The following POP7 variants were observed in gnomAD, a reference collection of about 807,000 sequenced individuals.
The protein encoded by POP7 is ribonuclease P protein subunit p20.
A neutral mutation model predicts 7.5 loss-of-function variants in POP7; 5 were observed. That is an observed-to-expected ratio of 0.66 (90% CI 0.35 to 1.40). POP7 has a LOEUF of 1.40. Ranked by LOEUF, POP7 falls within the 40% of genes most tolerant of loss-of-function variation. POP7 has a pLI of 0.04. For missense variants in POP7, 170 were observed against 189.1 expected (o/e 0.90, Z 0.59); for synonymous variants, 85 against 81.6 (o/e 1.04, Z -0.23).
Position 100,707,452 on chromosome 7 carries a change from A to C in POP7, c.*199A>C. On this transcript the variant is annotated 3_prime_UTR_variant, in exon 2 of 2. Transcript: ENST00000303151. The stretch of plus-strand genomic sequence containing the variant: ...GAGTGTGTGTATGCGGTCTGTAACT[A>C]TTGCCATATAAATAAAAAATCCTGT... The C allele has an allele frequency of 1.7e-6, 1 of 604,806 alleles. No individual in the cohort carries two copies. Among genetic ancestry groups the C allele is most frequent in the Non-Finnish European group, 2.9e-6 (1 of 341,374 alleles). The allele number at this position is 604,806 out of a possible 1,614,324, so 37.5% of individuals were successfully genotyped here. A position where few individuals can be genotyped will look rare whatever the true frequency, so the allele number is the denominator to read the frequency against.
chr7:100,706,763 G>A, intron 1 of POP7, 58 bp from the exon 2 acceptor site: 4 of 1,535,878 alleles, frequency 2.6e-6, no homozygotes, highest in African/African-American at 2.7e-5. Flanking sequence ...AGGAAAAGGG[G>A]TAGGAAAGGC....
chr7:100,706,961 A>C lies in POP7; in HGVS notation c.131A>C (p.Asp44Ala), dbSNP rs746355859. 2 of 1,614,080 alleles carry C rather than the reference A, an allele frequency of 1.2e-6. No homozygotes were observed. The highest frequency in any genetic ancestry group is 1.7e-6 in the Non-Finnish European group (2 of 1,180,042). The change falls in exon 2 of 2, where the codon GAC becomes GCC. Residue 44 changes from aspartate (D) to alanine (A), a missense_variant. Asp to Ala is a moderately radical substitution (Grantham distance 126). Coordinates refer to ENST00000303151, the MANE Select transcript of POP7 (RefSeq NM_005837.3). ...PNDIYVNMKT[D>A]FKAQLARCQK... ...GACATTTATGTCAACATGAAGACGG[A>C]CTTTAAGGCCCAGCTGGCCCGCTGC...
In POP7 at chr7:100,707,386, G is replaced by C. The variant is rs1163583209; in HGVS notation, c.*133G>C. 1 of 1,104,892 alleles carries C rather than the reference G, an allele frequency of 9.1e-7. No individual in the cohort carries two copies. Among genetic ancestry groups the C allele is most frequent in the Admixed American group, 2.8e-5 (1 of 35,364 alleles). 68.4% of individuals were successfully genotyped at this position (1,104,892 alleles called of 1,614,324 possible). On this transcript the variant is annotated 3_prime_UTR_variant, in exon 2 of 2. Transcript: ENST00000303151. ...CCAAAGGACTCTGCATTGAGGGTGG[G>C]GGTAATTGTCTCTTGGTGGGCCCAG...
intron 1 of POP7, 32 bp from the exon 2 acceptor site, chr7:100,706,789 A>G: frequency 6.3e-7 from 1 of 1,594,718 alleles, no homozygotes; most frequent in Non-Finnish European, 8.6e-7. Flanking sequence ...GGTCCCTCTG[A>G]GCCCTCTGAT....
In POP7 at chr7:100,707,156, A is replaced by C; in HGVS notation, c.326A>C (p.Asp109Ala). ...AANTSTVELV[D>A]ELEPETDTRE... The stretch of plus-strand genomic sequence containing the variant: ...AATACCTCCACCGTGGAGCTTGTTG[A>C]TGAGCTGGAGCCAGAGACCGACACA... The change falls in exon 2 of 2, where the codon GAT becomes GCT. Residue 109 changes from aspartate to alanine, a missense_variant. Coordinates refer to ENST00000303151, the MANE Select transcript of POP7 (RefSeq NM_005837.3). The C allele has an allele frequency of 1.2e-6, 2 of 1,614,146 alleles. No individual in the cohort carries two copies. The highest frequency in any genetic ancestry group is 8.5e-7 in the Non-Finnish European group (1 of 1,180,022).
In POP7 at chr7:100,707,328, A is replaced by C; in HGVS notation, c.*75A>C. ...TGCTGAGTACTGGACCTCGGACCAG[A>C]GCCATGTAAGAAAAGGCCTGTTCCC... On this transcript the variant is annotated 3_prime_UTR_variant, in exon 2 of 2. Transcript: ENST00000303151. The C allele has an allele frequency of 6.8e-7, 1 of 1,475,106 alleles. No individual in the cohort carries two copies. The allele number at this position is 1,475,106 out of a possible 1,614,324, so 91.4% of individuals were successfully genotyped here. A position where few individuals can be genotyped will look rare whatever the true frequency, so the allele number is the denominator to read the frequency against.
chr7:100,707,025 G>C lies in POP7; in HGVS notation c.195G>C (p.Ala65=), dbSNP rs1477822512. 1 of 1,614,036 alleles carries C rather than the reference G, an allele frequency of 6.2e-7. No homozygotes were observed. The highest frequency in any genetic ancestry group is 1.1e-5 in the South Asian group (1 of 91,094). ...LLDGGARGQN[A]CSEIYIHGLG... is the part of the protein sequence containing the mutation. The stretch of plus-strand genomic sequence containing the variant: ...ACGGAGGGGCCCGGGGTCAGAACGC[G>C]TGCTCTGAGATCTACATTCACGGCT... Residue 65 remains alanine, a synonymous_variant, in exon 2 of 2, where the codon GCG becomes GCC. Transcript: ENST00000303151.
intron 1 of POP7, 148 bp from the exon 2 acceptor site, chr7:100,706,673 A>T (rs1041349287): frequency 5.5e-5 from 44 of 793,722 alleles, no homozygotes; most frequent in Non-Finnish European, 8.7e-5. Flanking sequence ...CCCGGGCTCC[A>T]GTGATCCTCC....
Position 100,707,292 on chromosome 7 carries a change from G to C in POP7, c.*39G>C, listed in dbSNP as rs1444553640. On this transcript the variant is annotated 3_prime_UTR_variant, in exon 2 of 2. Transcript: ENST00000303151. ...CCTCCACTTATCCCCTCCGTGATAT[G>C]GCTCTTCGCATGCTGAGTACTGGAC... is the stretch of plus-strand genomic sequence containing the variant. 1 of 1,583,854 alleles carries C rather than the reference G, an allele frequency of 6.3e-7. No individual in the cohort carries two copies. Among genetic ancestry groups the C allele is most frequent in the Admixed American group, 1.8e-5 (1 of 56,644 alleles).
In POP7 at chr7:100,706,827, C is replaced by G; in HGVS notation, c.-4C>G. ...CGTCCCTTTCCCACGCCAGGGCACA[C>G]AGCATGGCAGAAAACCGAGAGCCCC... On this transcript the variant is annotated 5_prime_UTR_variant, in exon 2 of 2. Coordinates refer to ENST00000303151, the MANE Select transcript of POP7 (RefSeq NM_005837.3). The G allele has an allele frequency of 1.2e-6, 2 of 1,612,054 alleles. No homozygotes were observed. The highest frequency in any genetic ancestry group is 1.7e-6 in the Non-Finnish European group (2 of 1,178,788).
Position 100,706,192 on chromosome 7 carries a change from CCTT to C in POP7, c.-119_-117del, listed in dbSNP as rs1562897176. The C allele has an allele frequency of 1.3e-5, 2 of 153,062 alleles. No homozygotes were observed. The highest frequency in any genetic ancestry group is 4.8e-5 in the African/African-American group (2 of 41,488). 9.5% of individuals were successfully genotyped at this position (153,062 alleles called of 1,614,324 possible). On this transcript the variant is annotated 5_prime_UTR_variant, in exon 1 of 2. Coordinates refer to ENST00000303151, the MANE Select transcript of POP7 (RefSeq NM_005837.3). ...GCTGGCTGGCTGCTTGCACCCACAT[CCTT>C]CTTTCTCTGGGACCTGGGGTCGCGG...
In POP7 at chr7:100,707,279, C is replaced by G; in HGVS notation, c.*26C>G. 1 of 1,600,378 alleles carries G rather than the reference C, an allele frequency of 6.2e-7. No individual in the cohort carries two copies. The highest frequency in any genetic ancestry group is 1.1e-5 in the South Asian group (1 of 89,942). Reference sequence around the variant, plus strand: ...TTGAAAAGACACTCCTCCACTTATCCCCTCCGTGATATGGCTCTTCGCATG... The same window carrying G: ...TTGAAAAGACACTCCTCCACTTATCGCCTCCGTGATATGGCTCTTCGCATG... On this transcript the variant is annotated 3_prime_UTR_variant, in exon 2 of 2. Coordinates refer to ENST00000303151, the MANE Select transcript of POP7 (RefSeq NM_005837.3).
intron 1 of POP7, 193 bp downstream of exon 1, chr7:100,706,497 G>C: frequency 3.3e-6 from 1 of 304,974 alleles, no homozygotes; most frequent in African/African-American, 2.1e-5. Flanking sequence ...GTTTGAGACA[G>C]AGGCTTGCTC....
At position 100,706,944 on chromosome 7, in the gene POP7, T is replaced by A. The variant is rs749618531; in HGVS notation, c.114T>A (p.Tyr38Ter). Residue 38 changes from tyrosine (Y) to a stop codon, truncating the protein, a stop_gained, in exon 2 of 2, where the codon TAT (tyrosine) becomes TAA (stop). Transcript: ENST00000303151. LOFTEE classifies it high-confidence loss of function. ...TGCCCCGGAGACCCAATGACATTTA[T>A]GTCAACATGAAGACGGACTTTAAGG... Reference protein sequence around the residue: ...SRLPRRPNDIYVNMKTDFKAQ... With the variant: ...SRLPRRPNDI The A allele has an allele frequency of 7.4e-6, 12 of 1,613,946 alleles. No homozygotes were observed. Among genetic ancestry groups the A allele is most frequent in the Non-Finnish European group, 8.5e-6 (10 of 1,180,046 alleles).
intron 1 of POP7, 51 bp from the exon 2 acceptor site, chr7:100,706,770 A>G: frequency 6.4e-7 from 1 of 1,555,046 alleles, no homozygotes; most frequent in Non-Finnish European, 8.7e-7. Context: ...GGGGTAGGAA[A>G]GGCTTCGAGG....
At position 100,706,270 on chromosome 7, in the gene POP7, C is replaced by T. The variant is rs1335218003; in HGVS notation, c.-45C>T. The T allele has an allele frequency of 6.5e-6, 1 of 153,444 alleles. No homozygotes were observed. Among genetic ancestry groups the T allele is most frequent in the Non-Finnish European group, 1.5e-5 (1 of 68,900 alleles). The allele number at this position is 153,444 out of a possible 1,614,324, so 9.5% of individuals were successfully genotyped here. On this transcript the variant is annotated 5_prime_UTR_variant, in exon 1 of 2. Coordinates refer to ENST00000303151, the MANE Select transcript of POP7 (RefSeq NM_005837.3). ...TTGAGTGGCCTGGCGGGGAGCGGGC[C>T]TCGCGCGCCTGGAGGGCCCTGTGGA...
chr7:100,706,869 T>C lies in POP7; in HGVS notation c.39T>C (p.Ala13=). 1 of 1,613,898 alleles carries C rather than the reference T, an allele frequency of 6.2e-7. No homozygotes were observed. Among genetic ancestry groups the C allele is most frequent in the Non-Finnish European group, 8.5e-7 (1 of 1,180,008 alleles). The change falls in exon 2 of 2, where the codon GCT becomes GCC. Residue 13 remains alanine (A), a synonymous_variant. Coordinates refer to ENST00000303151, the MANE Select transcript of POP7 (RefSeq NM_005837.3). ...GAGAGCCCCGCGGTGCTGTGGAGGC[T>C]GAACTGGATCCAGTGGAATACACCC... ...ENREPRGAVE[A]ELDPVEYTLR... is the part of the protein sequence containing the mutation.
Position 100,706,889 on chromosome 7 carries a change from A to G in POP7, c.59A>G (p.Tyr20Cys), listed in dbSNP as rs200051131. The change falls in exon 2 of 2, where the codon TAC (tyrosine) becomes TGC (cysteine). Residue 20 changes from tyrosine to cysteine, a missense_variant. Coordinates refer to ENST00000303151, the MANE Select transcript of POP7 (RefSeq NM_005837.3). The part of the protein sequence containing the change: ...AVEAELDPVE[Y>C]TLRKRLPSRL... ...GAGGCTGAACTGGATCCAGTGGAAT[A>G]CACCCTTAGGAAAAGGCTTCCCAGC... 2 of 1,613,932 alleles carry G rather than the reference A, an allele frequency of 1.2e-6. No individual in the cohort carries two copies. Among genetic ancestry groups the G allele is most frequent in the East Asian group, 2.2e-5 (1 of 44,878 alleles).
In POP7 at chr7:100,707,002, G is replaced by T; in HGVS notation, c.172G>T (p.Gly58Ter). ...QLARCQKLLD[G>*]GARGQNACSE... ...GGCCCGCTGCCAGAAGCTGCTGGAC[G>T]GAGGGGCCCGGGGTCAGAACGCGTG... is the stretch of plus-strand genomic sequence containing the variant. The change falls in exon 2 of 2, where the codon GGA (glycine) becomes TGA (stop). Residue 58 changes from glycine (G) to a stop codon, truncating the protein, a stop_gained. Coordinates refer to ENST00000303151, the MANE Select transcript of POP7 (RefSeq NM_005837.3). LOFTEE classifies it high-confidence loss of function. The T allele has an allele frequency of 6.2e-7, 1 of 1,614,142 alleles. No individual in the cohort carries two copies. Among genetic ancestry groups the T allele is most frequent in the Non-Finnish European group, 8.5e-7 (1 of 1,180,048 alleles).
Sources: allele counts gnomAD v4.1 joint callset, GRCh38; gene constraint gnomAD v4.1.1; transcripts MANE v1.5; gene names NCBI Gene and HGNC (gene_info 2026-07-23, HGNC 2026-07-21).